TRMO: variants seen among roughly 807,000 people sequenced by gnomAD.
The protein encoded by TRMO is tRNA methyltransferase O, also known as tRNA (adenine(37)-N6)-methyltransferase.
In TRMO, 30 loss-of-function variants were observed where a neutral mutation model predicts 37.2. The ratio of observed to expected loss-of-function variants is 0.81; its 90% CI spans 0.60 to 1.09. The LOEUF (loss-of-function observed/expected upper bound fraction) is 1.09. TRMO is among the 50% of genes least tolerant of loss of function. The pLI is 0.00. For synonymous variants in TRMO, 239 were observed against 199.4 expected, an observed-to-expected ratio of 1.20 and a Z score of -1.67; for missense variants, 552 against 549.5, an observed-to-expected ratio of 1.00 and a Z score of -0.05.
chr9:97,897,845 C>G, the TRMO span, among the ~76,000 whole-genome samples: 1 of 152,092 alleles, frequency 6.6e-6, no homozygotes, highest in African/African-American at 2.4e-5. Flanking sequence ...GCTAATCCTA[C>G]TTTAAAAAAT....
In TRMO at chr9:97,904,923, A is replaced by T; in HGVS notation, c.1136T>A (p.Leu379Gln). 6.2e-7 allele frequency: 1 copy of T among 1,614,224 alleles called. No individual in the cohort carries two copies. The highest frequency in any genetic ancestry group is 8.5e-7 in the Non-Finnish European group (1 of 1,180,034). The change falls in exon 5 of 5, where the codon CTG becomes CAG. Residue 379 changes from leucine to glutamine, a missense_variant. Physicochemically the swap from Leu to Gln is moderately radical, Grantham distance 113 (BLOSUM62 -2). Coordinates refer to ENST00000375119, the MANE Select transcript of TRMO (RefSeq NM_016481.5). The part of the protein sequence containing the change: ...EEAKRAIEAV[L>Q]SADPRSVYRR... The stretch of plus-strand genomic sequence containing the variant: ...GTACACAGACCGAGGATCCGCTGAC[A>T]GCACAGCCTCAATGGCACGCTTTGC...
At chr9:97,912,076 G>C (rs1330898445) in intron 3 of TRMO, 1 of 152,188 alleles carries the variant, frequency 6.6e-6, no homozygotes, top group Non-Finnish European at 1.5e-5. Flanking sequence ...CTATTAGACA[G>C]ATTATCTAAT....
intron 3 of TRMO, 138 bp downstream of exon 3, chr9:97,913,263 T>C (rs1826207126): frequency 2.0e-6 from 2 of 991,190 alleles, no homozygotes; most frequent in African/African-American, 1.6e-5. Flanking sequence ...ATCATTGTAT[T>C]TTCTTCAATG....
intron 3 of TRMO, chr9:97,911,725 A>T (rs1012804344): frequency 6.6e-6 from 1 of 152,228 alleles, no homozygotes; most frequent in African/African-American, 2.4e-5. Flanking sequence ...GCATTACCAA[A>T]TACTAAAGAC....
intron 1 of TRMO, among the ~76,000 whole-genome samples, chr9:97,919,293 TC>T (rs1826513224): frequency 6.6e-6 from 1 of 151,536 alleles, no homozygotes; most frequent in African/African-American, 2.4e-5. Flanking sequence ...TTTCATTTGT[TC>T]AAGAAACATT....
At chr9:97,910,941 G>T in intron 3 of TRMO, 1 of 519,726 alleles carries the variant, frequency 1.9e-6, no homozygotes, top group East Asian at 5.1e-5. Flanking sequence ...CTTTCCCCAC[G>T]GTAGGGTAGT....
At chr9:97,914,920 A>T (rs957397558) in intron 2 of TRMO, among the ~76,000 whole-genome samples, 1 of 152,154 alleles carries the variant, frequency 6.6e-6, no homozygotes, top group Non-Finnish European at 1.5e-5. Flanking sequence ...AATAGGAGGG[A>T]TAAGGAAAAA....
At chr9:97,918,591 C>T (rs1490095915) in intron 1 of TRMO, among the ~76,000 whole-genome samples, 1 of 152,146 alleles carries the variant, frequency 6.6e-6, no homozygotes, top group Non-Finnish European at 1.5e-5. Context: ...TTATTTCCTG[C>T]TTCCTTAAAT....
At chr9:97,905,632 T>A (rs1043622519) in intron 4 of TRMO, among the ~76,000 whole-genome samples, 1 of 152,248 alleles carries the variant, frequency 6.6e-6, no homozygotes, top group Non-Finnish European at 1.5e-5. Flanking sequence ...AGAAAGTAAC[T>A]GTGACCTAGT....
chr9:97,903,836 G>A (rs544342356), downstream of TRMO, among the ~76,000 whole-genome samples: 26 of 152,310 alleles, frequency 1.7e-4, no homozygotes, highest in East Asian at 2.3e-3. Context: ...GCTCACACCC[G>A]TAATCCCAGC....
At chr9:97,907,875 G>C (rs1825922371) in intron 4 of TRMO, among the ~76,000 whole-genome samples, 1 of 152,122 alleles carries the variant, frequency 6.6e-6, no homozygotes, top group Admixed American at 6.5e-5. Flanking sequence ...TGCACTGGCT[G>C]TCCCTCAGGC....
At chr9:97,915,847 G>C (rs1306539544) in intron 2 of TRMO, 7 of 200,560 alleles carry the variant, frequency 3.5e-5, no homozygotes, top group Non-Finnish European at 5.0e-5. Flanking sequence ...TTCCAGCCTG[G>C]GCAACATGGT....
chr9:97,912,171 G>A (rs1281512945), intron 3 of TRMO: 1 of 152,184 alleles, frequency 6.6e-6, no homozygotes, highest in African/African-American at 2.4e-5. Context: ...TAAGGTACGT[G>A]AACACTGTTT....
chr9:97,904,484 C>T (rs1159213073), downstream of TRMO: 1 of 1,282,932 alleles, frequency 7.8e-7, no homozygotes, highest in Admixed American at 3.7e-5. Context: ...ATTATCGAGA[C>T]AGCATCACCT....
chr9:97,913,363 G>A, intron 3 of TRMO, 38 bp downstream of exon 3: 1 of 1,612,794 alleles, frequency 6.2e-7, no homozygotes, highest in Non-Finnish European at 8.5e-7. Context: ...GCTTTTTTGG[G>A]TGAGGAAAAA....
At chr9:97,897,498 G>A in the TRMO span, among the ~76,000 whole-genome samples, 4 of 152,196 alleles carry the variant, frequency 2.6e-5, no homozygotes, top group South Asian at 8.3e-4. Context: ...AAAACAGGCT[G>A]TGGGCCAGAT....
At chr9:97,908,374 T>G (rs557841578) in intron 4 of TRMO, among the ~76,000 whole-genome samples, 73 of 145,466 alleles carry the variant, frequency 5.0e-4, no homozygotes, top group African/African-American at 1.8e-3. Flanking sequence ...ATCGAGCCAT[T>G]GCACTCCAGC....
intron 1 of TRMO, among the ~76,000 whole-genome samples, chr9:97,917,044 A>G (rs568954440): frequency 5.7e-4 from 86 of 151,138 alleles, no homozygotes; most frequent in African/African-American, 1.9e-3. Context: ...ACCCACCTCA[A>G]CCTCCCAAAG....
At chr9:97,917,488 C>A (rs564443428) in intron 1 of TRMO, among the ~76,000 whole-genome samples, 1 of 152,106 alleles carries the variant, frequency 6.6e-6, no homozygotes, top group Non-Finnish European at 1.5e-5. Flanking sequence ...TCAAAAAATT[C>A]ATGTTGCATA....
Sources: allele counts gnomAD v4.1 joint callset (sites outside exome capture counted in the v4.1 genomes callset), GRCh38; gene constraint gnomAD v4.1.1; transcripts MANE v1.5; gene names NCBI Gene and HGNC (gene_info 2026-07-23, HGNC 2026-07-21).